SDCBP2: variants seen among roughly 807,000 people sequenced by gnomAD.
SDCBP2 encodes the protein syndecan binding protein 2, also known as syntenin-2.
A neutral mutation model predicts 30.7 loss-of-function variants in SDCBP2; 28 were observed. That is an observed-to-expected ratio of 0.91 (90% CI 0.68 to 1.25). SDCBP2 has a LOEUF of 1.25. Ranked by LOEUF, SDCBP2 falls within the 50% of genes most tolerant of loss-of-function variation. The pLI is 0.00. For missense variants in SDCBP2, 399 were observed against 379.0 expected, an observed-to-expected ratio of 1.05 and a Z score of -0.44; for synonymous variants, 166 against 157.3, an observed-to-expected ratio of 1.06 and a Z score of -0.41.
intron 4 of SDCBP2, among the ~76,000 whole-genome samples, chr20:1,316,938 C>G (rs188388170): frequency 6.6e-6 from 1 of 152,306 alleles, no homozygotes; most frequent in East Asian, 1.9e-4. Flanking sequence ...ACACACACAA[C>G]AGCCTGGATG....
intron 3 of SDCBP2, 53 bp from the exon 4 acceptor site, chr20:1,318,471 C>T: frequency 8.9e-7 from 1 of 1,125,494 alleles, no homozygotes; most frequent in South Asian, 1.5e-5. Context: ...ATGTGCTTCC[C>T]TATGCCTGCC....
Position 1,320,615 on chromosome 20 carries a change from T to G in SDCBP2, c.-19-180A>C. 3 of 511,622 alleles carry G rather than the reference T, an allele frequency of 5.9e-6. No individual in the cohort carries two copies. The highest frequency in any genetic ancestry group is 5.4e-5 in the South Asian group (2 of 36,924). 31.7% of individuals were successfully genotyped at this position (511,622 alleles called of 1,614,324 possible). On this transcript the variant is annotated intron_variant, in intron 1 of 8. Coordinates refer to ENST00000360779, the MANE Select transcript of SDCBP2 (RefSeq NM_080489.5). This position sits in a 1 kb window ranked among gnomAD's most constrained non-coding sequence, Gnocchi z 4.7. Reference sequence around the variant, plus strand: ...TCCCCTGTCGATATTTGAACTCTACTGTATTCCACTCATCTCCAGCCTCAC... The same window carrying G: ...TCCCCTGTCGATATTTGAACTCTACGGTATTCCACTCATCTCCAGCCTCAC...
rs149995502 is a variant in SDCBP2, at chr20:1,312,428, G to A, written c.641C>T (p.Ser214Phe). The A allele has an allele frequency of 3.3e-4, 528 of 1,614,052 alleles. 3 individuals are homozygous for A. In the African/African-American group the frequency reaches 5.4e-3, roughly 17 times the overall value. Reference sequence around the variant, plus strand: ...GGCCGCAGAACTCCCTTTGACCAGAGAGACAATCTTCCCCTTCTTGATCAC... The same window carrying A: ...GGCCGCAGAACTCCCTTTGACCAGAAAGACAATCTTCCCCTTCTTGATCAC... Reference protein sequence around the residue: ...GFVIKKGKIVSLVKGSSAARN... With the variant: ...GFVIKKGKIVFLVKGSSAARN... The change falls in exon 7 of 9, where the codon TCT becomes TTT. Residue 214 changes from serine (S) to phenylalanine (F), a missense_variant. Transcript: ENST00000360779.
At chr20:1,328,440 C>T (rs1303613093) in intron 1 of SDCBP2, among the ~76,000 whole-genome samples, 1 of 152,070 alleles carries the variant, frequency 6.6e-6, no homozygotes, top group Non-Finnish European at 1.5e-5. Flanking sequence ...GGCCACTGTA[C>T]GTGAAGCTGC....
At chr20:1,322,436 T>G (rs891672928) in intron 1 of SDCBP2, 1 of 152,238 alleles carries the variant, frequency 6.6e-6, no homozygotes, top group African/African-American at 2.4e-5. Context: ...CTCAATAATA[T>G]TGCCAGAAGC....
rs377437018 is a variant in SDCBP2, at chr20:1,310,602, A to G, written c.825-107T>C. 3.9e-5 allele frequency: 45 copies of G among 1,168,162 alleles called. No homozygotes were observed. In the East Asian group the frequency reaches 4.3e-4, roughly 11 times the overall value. The allele number at this position is 1,168,162 out of a possible 1,614,324, so 72.4% of individuals were successfully genotyped here. On this transcript the variant is annotated intron_variant, in intron 8 of 8. Coordinates refer to ENST00000360779, the MANE Select transcript of SDCBP2 (RefSeq NM_080489.5). ...GCATCCCATGTGGGCCTTCACTCCC[A>G]GTTCTAAGACTTTCGAATCACCAGA... is the stretch of plus-strand genomic sequence containing the variant.
chr20:1,312,956 T>G, intron 5 of SDCBP2, 194 bp from the exon 6 acceptor site: 1 of 634,546 alleles, frequency 1.6e-6, no homozygotes, highest in Non-Finnish European at 2.7e-6. Context: ...AGGAAGCAGG[T>G]GAGTCAGGAT....
intron 5 of SDCBP2, 34 bp from the exon 6 acceptor site, chr20:1,312,796 T>C: frequency 6.3e-7 from 1 of 1,582,250 alleles, no homozygotes; most frequent in South Asian, 1.1e-5. Context: ...TCAGTGTCCC[T>C]GGCCCACCCT....
intron 5 of SDCBP2, 154 bp from the exon 6 acceptor site, chr20:1,312,916 C>T (rs2088701232): frequency 1.3e-5 from 10 of 799,746 alleles, no homozygotes; most frequent in South Asian, 7.4e-5. Flanking sequence ...CCCCATTTAC[C>T]GGGGAGGAAA....
chr20:1,320,476 G>T lies in SDCBP2; in HGVS notation c.-19-41C>A. ...GGTGGGGAAGGATAAGGATGCAGCT[G>T]ATGCCCCCTTGAAAGGAGGCACAGA... is the stretch of plus-strand genomic sequence containing the variant. On this transcript the variant is annotated intron_variant, in intron 1 of 8. Coordinates refer to ENST00000360779, the MANE Select transcript of SDCBP2 (RefSeq NM_080489.5). The surrounding 1 kb of genome is among the most constrained non-coding windows in gnomAD (Gnocchi z 4.7). The T allele has an allele frequency of 6.6e-7, 1 of 1,505,096 alleles. No individual in the cohort carries two copies. Among genetic ancestry groups the T allele is most frequent in the Non-Finnish European group, 9.1e-7 (1 of 1,095,266 alleles). The allele number at this position is 1,505,096 out of a possible 1,614,324, so 93.2% of individuals were successfully genotyped here.
In SDCBP2 at chr20:1,313,168, C is replaced by T. The variant is rs767131088; in HGVS notation, c.384+172G>A. 10 of 724,944 alleles carry T rather than the reference C, an allele frequency of 1.4e-5. No homozygotes were observed. The highest frequency in any genetic ancestry group is 2.7e-5 in the East Asian group (1 of 36,470). The allele number at this position is 724,944 out of a possible 1,614,324, so 44.9% of individuals were successfully genotyped here. ...TGGAGGGCCCTGCGCAACCCAGCAC[C>T]AGCCCCGCCCGGGTCTCGGGGAGGA... On this transcript the variant is annotated intron_variant, in intron 5 of 8. Transcript: ENST00000360779. This position sits in a 1 kb window ranked among gnomAD's most constrained non-coding sequence, Gnocchi z 5.2.
intron 1 of SDCBP2, among the ~76,000 whole-genome samples, chr20:1,327,023 G>A (rs2088937669): frequency 6.6e-6 from 1 of 152,196 alleles, no homozygotes; most frequent in Non-Finnish European, 1.5e-5. Flanking sequence ...AACGAGTTAG[G>A]TTGAAAGGCT....
chr20:1,314,287 A>G (rs1011867329), intron 4 of SDCBP2, among the ~76,000 whole-genome samples: 2 of 151,982 alleles, frequency 1.3e-5, no homozygotes, highest in Admixed American at 6.6e-5. Flanking sequence ...CCAGGAGTTC[A>G]AGACTAGCCT....
In SDCBP2 at chr20:1,318,354, G is replaced by C; in HGVS notation, c.189C>G (p.Val63=). 6.2e-7 allele frequency: 1 copy of C among 1,613,736 alleles called. No homozygotes were observed. The highest frequency in any genetic ancestry group is 8.5e-7 in the Non-Finnish European group (1 of 1,179,836). Residue 63 remains valine (V), a synonymous_variant, in exon 4 of 9, where the codon GTC becomes GTG. Transcript: ENST00000360779. Reference sequence around the variant, plus strand: ...CTGGAATCTGAAGCAGGCTCTCCTGGACTTCTTGGCTGGAGAGGGAAAGAC... The same window carrying C: ...CTGGAATCTGAAGCAGGCTCTCCTGCACTTCTTGGCTGGAGAGGGAAAGAC... The part of the protein sequence containing the change: ...YMGLSLSSQE[V]QESLLQIPEG...
rs748406555 is a variant in SDCBP2 at position 1,313,317 on chromosome 20, C to G, written c.384+23G>C. On this transcript the variant is annotated intron_variant, in intron 5 of 8. Coordinates refer to ENST00000360779, the MANE Select transcript of SDCBP2 (RefSeq NM_080489.5). The surrounding 1 kb of genome is among the most constrained non-coding windows in gnomAD (Gnocchi z 5.2). ...AGCGCGTGCAGCTCGAGCTCCTCTTCCCACCCAGCCCCCGCGCCCTACCTG... is the reference window on the plus strand; with the variant it reads ...AGCGCGTGCAGCTCGAGCTCCTCTTGCCACCCAGCCCCCGCGCCCTACCTG... 6.2e-7 allele frequency: 1 copy of G among 1,606,886 alleles called. No homozygotes were observed.
intron 1 of SDCBP2, among the ~76,000 whole-genome samples, chr20:1,327,095 A>G (rs982829383): frequency 2.6e-5 from 4 of 152,218 alleles, no homozygotes; most frequent in African/African-American, 9.7e-5. Flanking sequence ...GCTTCCCACA[A>G]GTAATTGGTT....
Position 1,313,212 on chromosome 20 carries a change from C to G in SDCBP2, c.384+128G>C. 9.9e-7 allele frequency: 1 copy of G among 1,014,622 alleles called. No homozygotes were observed. The highest frequency in any genetic ancestry group is 1.5e-6 in the Non-Finnish European group (1 of 688,766). The allele number at this position is 1,014,622 out of a possible 1,614,324, so 62.9% of individuals were successfully genotyped here. ...GGGAGGAGGGACTGGGGGCAAGAGC[C>G]TGGCCGCTGGGGTTAGGAGGCCCGC... On this transcript the variant is annotated intron_variant, in intron 5 of 8. Coordinates refer to ENST00000360779, the MANE Select transcript of SDCBP2 (RefSeq NM_080489.5). The surrounding 1 kb of genome is among the most constrained non-coding windows in gnomAD (Gnocchi z 5.2).
In SDCBP2 at chr20:1,310,797, T is replaced by A; in HGVS notation, c.824+3A>T. The A allele has an allele frequency of 5.6e-6, 9 of 1,610,956 alleles. No individual in the cohort carries two copies. The highest frequency in any genetic ancestry group is 7.6e-6 in the Non-Finnish European group (9 of 1,177,706). On this transcript the variant is annotated splice_donor_region_variant and intron_variant, in intron 8 of 8. Transcript: ENST00000360779. ...GGAGGGGTGAGGAGGGGTGCAGCCT[T>A]ACTTTTTGACCATGTGCTCGTAGAT...
At chr20:1,314,160 A>G (rs2088732651) in intron 4 of SDCBP2, among the ~76,000 whole-genome samples, 1 of 152,246 alleles carries the variant, frequency 6.6e-6, no homozygotes, top group Non-Finnish European at 1.5e-5. Flanking sequence ...GTACTTCTGT[A>G]TACTAACAAC....
Sources: allele counts gnomAD v4.1 joint callset (sites outside exome capture counted in the v4.1 genomes callset), GRCh38; gene constraint gnomAD v4.1.1; non-coding constraint Gnocchi (gnomAD v3.1); transcripts MANE v1.5; gene names NCBI Gene and HGNC (gene_info 2026-07-23, HGNC 2026-07-21).